The following CD38 variants were observed in gnomAD, a reference collection of about 807,000 sequenced individuals.
CD38 encodes the protein ADP-ribosyl cyclase/cyclic ADP-ribose hydrolase 1.
A neutral mutation model predicts 36.3 loss-of-function variants in CD38; 31 were observed. The ratio of observed to expected loss-of-function variants is 0.85; its 90% CI spans 0.64 to 1.15. The LOEUF is 1.15. Ranked by LOEUF, CD38 falls within the 50% of genes most tolerant of loss-of-function variation. The pLI, the probability that CD38 is intolerant of heterozygous loss-of-function variation, is 0.00. For missense variants in CD38, 380 were observed against 371.9 expected (o/e 1.02, Z -0.18); for synonymous variants, 131 against 135.2 (o/e 0.97, Z 0.22).
chr4:15,821,025 A>G (rs956968364), intron 2 of CD38, among the ~76,000 whole-genome samples: 1 of 152,212 alleles, frequency 6.6e-6, no homozygotes, highest in Non-Finnish European at 1.5e-5. Context: ...AGAACTCAAG[A>G]TTAAGAAACT....
intron 1 of CD38, among the ~76,000 whole-genome samples, chr4:15,781,415 T>G (rs2148912518): frequency 6.6e-6 from 1 of 152,284 alleles, no homozygotes; most frequent in East Asian, 1.9e-4. Flanking sequence ...TTATATAACA[T>G]AATATAAATA....
rs71179666 is a variant in CD38, at chr4:15,847,595, C to CAAAAAA, written c.840-921_840-916dup. Among the ~76,000 whole-genome samples the CAAAAAA allele has an allele frequency of 2.1e-3, 79 of 38,170 alleles. 9 individuals are homozygous for CAAAAAA. Among genetic ancestry groups the CAAAAAA allele is most frequent in the East Asian group, 9.7e-3 (5 of 514 alleles). The allele number at this position is 38,170 out of a possible 152,430, so 25.0% of individuals were successfully genotyped here. On this transcript the variant is annotated intron_variant, in intron 7 of 7. Transcript: ENST00000226279. ...AAAAATAAAAAACAACTCTCAGAAG[C>CAAAAAA]AAAAAAAAAAAAAAAAAAAAAAAAA...
In CD38 at chr4:15,816,656, C is replaced by A; in HGVS notation, c.363+16C>A. On this transcript the variant is annotated intron_variant, in intron 2 of 7. Transcript: ENST00000226279. ...TTGCAACAAGGTAATTGGGGGCATGCCATTGATTTTAAAACTGGGGATAAA... is the reference window on the plus strand; with the variant it reads ...TTGCAACAAGGTAATTGGGGGCATGACATTGATTTTAAAACTGGGGATAAA... 1 of 1,612,596 alleles carries A rather than the reference C, an allele frequency of 6.2e-7. No individual in the cohort carries two copies. Among genetic ancestry groups the A allele is most frequent in the Non-Finnish European group, 8.5e-7 (1 of 1,179,142 alleles).
intron 7 of CD38, among the ~76,000 whole-genome samples, chr4:15,847,121 G>T (rs1724270663): frequency 2.0e-4 from 2 of 10,062 alleles, no homozygotes; most frequent in Non-Finnish European, 2.9e-4. Context: ...TATGTTTATT[G>T]CGGCACTATT....
At position 15,824,981 on chromosome 4, in the gene CD38, ATGACCTCACATGGTGTG is replaced by A; in HGVS notation, c.465_481del (p.Asp155GlufsTer2). The A allele has an allele frequency of 6.2e-7, 1 of 1,613,666 alleles. No homozygotes were observed. Among genetic ancestry groups the A allele is most frequent in the East Asian group, 2.2e-5 (1 of 44,864 alleles). On this transcript the variant is annotated frameshift_variant, in exon 3 of 8. Coordinates refer to ENST00000226279, the MANE Select transcript of CD38 (RefSeq NM_001775.4). LOFTEE classifies it high-confidence loss of function. ...GACACGCTGCTAGGCTACCTTGCTG[ATGACCTCACATGGTGTG>A]GTGAATTCAACACTTCCAGTGAGGC...
At chr4:15,835,759 A>G (rs150726580) in intron 4 of CD38, among the ~76,000 whole-genome samples, 8,937 of 152,050 alleles carry the variant, frequency 0.059, 358 homozygotes, top group East Asian at 0.18. Context: ...TGATCTACCC[A>G]CCTTGGCCTC....
At chr4:15,834,534 C>T (rs940637981) in intron 4 of CD38, among the ~76,000 whole-genome samples, 6 of 152,114 alleles carry the variant, frequency 3.9e-5, no homozygotes, top group African/African-American at 7.2e-5. Flanking sequence ...TTGCACGTAC[C>T]CACTCTGACT....
rs1237245293 is a variant in CD38 at position 15,792,440 on chromosome 4, A to T, written c.233+13793A>T. On this transcript the variant is annotated intron_variant, in intron 1 of 7. Transcript: ENST00000226279. ...GATCAATAAAAATAAAATAAAATAA[A>T]AAAAAGGAATGAATCAAGAAAAAAA... is the stretch of plus-strand genomic sequence containing the variant. Among the ~76,000 whole-genome samples, 4 of 149,916 alleles carry T rather than the reference A, an allele frequency of 2.7e-5. 1 individual carries two copies. The highest frequency in any genetic ancestry group is 4.2e-4 in the South Asian group (2 of 4,800).
At chr4:15,841,868 G>A (rs977367607) in intron 7 of CD38, among the ~76,000 whole-genome samples, 3 of 121,330 alleles carry the variant, frequency 2.5e-5, no homozygotes, top group Non-Finnish European at 4.9e-5. Flanking sequence ...AAGAAACGGC[G>A]CACCGCGAGA....
chr4:15,782,032 G>C (rs1343105607), intron 1 of CD38, among the ~76,000 whole-genome samples: 1 of 152,162 alleles, frequency 6.6e-6, no homozygotes, highest in Non-Finnish European at 1.5e-5. Context: ...CACTTAACAC[G>C]ATGGCTCCTG....
At chr4:15,780,790 C>T (rs1722680215) in intron 1 of CD38, among the ~76,000 whole-genome samples, 1 of 152,124 alleles carries the variant, frequency 6.6e-6, no homozygotes, top group Non-Finnish European at 1.5e-5. Flanking sequence ...CTCTTTCTTT[C>T]TGCACCTTAT....
chr4:15,800,386 T>C (rs1577641408), intron 1 of CD38, among the ~76,000 whole-genome samples: 1 of 152,310 alleles, frequency 6.6e-6, no homozygotes, highest in African/African-American at 2.4e-5. Flanking sequence ...CCAAACTGTT[T>C]TATAAGGCAA....
intron 1 of CD38, among the ~76,000 whole-genome samples, chr4:15,800,673 A>G (rs1039601703): frequency 6.6e-6 from 1 of 152,204 alleles, no homozygotes; most frequent in African/African-American, 2.4e-5. Flanking sequence ...ATACTCCAGA[A>G]TGACCAATGG....
intron 1 of CD38, among the ~76,000 whole-genome samples, chr4:15,791,129 G>A (rs1722973912): frequency 8.1e-6 from 1 of 122,752 alleles, no homozygotes; most frequent in Non-Finnish European, 1.7e-5. Flanking sequence ...ACTGGGAAGT[G>A]AGGAGCCCCT....
At chr4:15,831,728 C>G (rs1052307293) in intron 3 of CD38, among the ~76,000 whole-genome samples, 3 of 151,986 alleles carry the variant, frequency 2.0e-5, no homozygotes, top group Non-Finnish European at 4.4e-5. Context: ...TTATCTTGGA[C>G]CTTTGGGAGT....
chr4:15,822,074 A>G (rs181077339), intron 2 of CD38, among the ~76,000 whole-genome samples: 1 of 152,322 alleles, frequency 6.6e-6, no homozygotes, highest in Non-Finnish European at 1.5e-5. Flanking sequence ...TTACATAAAG[A>G]GAACTAAAGA....
At chr4:15,817,382 A>G (rs1348015901) in intron 2 of CD38, among the ~76,000 whole-genome samples, 2 of 152,242 alleles carry the variant, frequency 1.3e-5, no homozygotes, top group Admixed American at 1.3e-4. Context: ...TCCATCCAGA[A>G]ATTACAGCCT....
chr4:15,817,829 C>T (rs771299833), intron 2 of CD38, among the ~76,000 whole-genome samples: 7 of 152,096 alleles, frequency 4.6e-5, no homozygotes, highest in Non-Finnish European at 8.8e-5. Context: ...GTGAGACCAA[C>T]GCAGAAGGTG....
At position 15,778,520 on chromosome 4, in the gene CD38, G is replaced by A. The variant is rs1432308360; in HGVS notation, c.106G>A (p.Val36Ile). 1 of 1,613,670 alleles carries A rather than the reference G, an allele frequency of 6.2e-7. No individual in the cohort carries two copies. Among genetic ancestry groups the A allele is most frequent in the Non-Finnish European group, 8.5e-7 (1 of 1,179,970 alleles). Residue 36 changes from valine (V) to isoleucine (I), a missense_variant, in exon 1 of 8, where the codon GTC becomes ATC. Transcript: ENST00000226279. The surrounding 1 kb of genome is among the most constrained non-coding windows in gnomAD (Gnocchi z 4.9). ...CGTCAGTATCCTGGTCCTGATCCTC[G>A]TCGTGGTGCTCGCGGTGGTCGTCCC... ...LGVSILVLILVVVLAVVVPRW... is the reference protein window; with the variant it reads ...LGVSILVLILIVVLAVVVPRW...
Sources: gnomAD v4.1 joint callset for allele counts (sites outside exome capture counted in the v4.1 genomes callset) on GRCh38, gnomAD v4.1.1 for gene constraint, Gnocchi (gnomAD v3.1) non-coding constraint, MANE v1.5 for transcripts, NCBI Gene and HGNC (gene_info 2026-07-23, HGNC 2026-07-21) for gene names.